The following GABBR2 variants were observed in gnomAD, a reference collection of about 807,000 sequenced individuals.
The protein encoded by GABBR2 is gamma-aminobutyric acid type B receptor subunit 2.
Under a neutral mutation model 105.6 loss-of-function variants are expected in GABBR2, and 23 were observed. The observed-to-expected ratio is 0.22, with a 90% CI of 0.16 to 0.31. GABBR2 has a LOEUF of 0.31. GABBR2 is among the 10% of genes least tolerant of loss of function. The probability of loss-of-function intolerance (pLI) is 1.00; values close to 1 mark genes in which losing one functional copy is unlikely to be tolerated. For missense variants in GABBR2, 734 were observed against 1,245.5 expected (o/e 0.59, Z 6.18); for synonymous variants, 478 against 499.7 (o/e 0.96, Z 0.58).
At chr9:98,631,316 C>A (rs761101509) in intron 1 of GABBR2, among the ~76,000 whole-genome samples, 1 of 152,190 alleles carries the variant, frequency 6.6e-6, no homozygotes, top group African/African-American at 2.4e-5. Flanking sequence ...AGATAACTAA[C>A]CTTCCTAAGC....
At chr9:98,458,146 G>A in intron 6 of GABBR2, among the ~76,000 whole-genome samples, 1 of 152,216 alleles carries the variant, frequency 6.6e-6, no homozygotes, top group Non-Finnish European at 1.5e-5. Flanking sequence ...TAAACCTTAT[G>A]AGTCTGTCAT....
At chr9:98,413,172 A>T (rs947304601) in intron 7 of GABBR2, among the ~76,000 whole-genome samples, 2 of 152,198 alleles carry the variant, frequency 1.3e-5, no homozygotes, top group Non-Finnish European at 2.9e-5. Flanking sequence ...GGGCCAGCAG[A>T]TCAATGTCTG....
At chr9:98,339,280 ATC>A (rs1441680469) in intron 13 of GABBR2, among the ~76,000 whole-genome samples, 1 of 97,808 alleles carries the variant, frequency 1.0e-5, no homozygotes, top group Non-Finnish European at 1.9e-5. Context: ...TGTGAATTAT[ATC>A]TCAAAAAAAA....
At chr9:98,703,708 T>C (rs931885847) in intron 1 of GABBR2, among the ~76,000 whole-genome samples, 1 of 151,984 alleles carries the variant, frequency 6.6e-6, no homozygotes, top group Non-Finnish European at 1.5e-5. Flanking sequence ...CTCAGGCTGG[T>C]CTTGAACTCC....
In GABBR2 at chr9:98,572,386, G is replaced by A. The variant is rs538008163; in HGVS notation, c.459+5549C>T. On this transcript the variant is annotated intron_variant, in intron 2 of 18. Coordinates refer to ENST00000259455, the MANE Select transcript of GABBR2 (RefSeq NM_005458.8). ...CAAGGAAACAGAAACAACTGATTAC[G>A]CATTCCTGGCTGTCTCTGTCCAGCA... 2.0e-5 allele frequency among the ~76,000 whole-genome samples: 3 copies of A among 152,266 alleles called. No homozygotes were observed. The South Asian group carries it at 6.2e-4, about 32-fold the overall frequency.
chr9:98,329,230 A>G lies in GABBR2; in HGVS notation c.1894-18025T>C, dbSNP rs1017317955. Among the ~76,000 whole-genome samples the G allele has an allele frequency of 3.9e-5, 6 of 152,320 alleles. No individual in the cohort carries two copies. The East Asian group carries it at 9.6e-4, about 24-fold the overall frequency. The stretch of plus-strand genomic sequence containing the variant: ...TGTGGACAGTCACCAGGGTGTTTGT[A>G]GGAATGGTTTAAACTGGTAGCTTGT... On this transcript the variant is annotated intron_variant, in intron 13 of 18. Transcript: ENST00000259455.
intron 11 of GABBR2, among the ~76,000 whole-genome samples, chr9:98,374,707 C>T (rs10986060): frequency 1.3e-5 from 2 of 152,126 alleles, no homozygotes; most frequent in Non-Finnish European, 2.9e-5. Context: ...TGCTGGGGGA[C>T]TTAAGCGTGT....
At chr9:98,444,116 G>A (rs1826079347) in intron 7 of GABBR2, among the ~76,000 whole-genome samples, 1 of 152,148 alleles carries the variant, frequency 6.6e-6, no homozygotes, top group South Asian at 2.1e-4. Flanking sequence ...TTTAATCTAT[G>A]ACATGTCATT....
rs115360576 is a variant in GABBR2, at chr9:98,605,311, G to A, written c.322-27239C>T. The stretch of plus-strand genomic sequence containing the variant: ...GCACAGCTCTCAGCATGAACACGGG[G>A]ATTTTCAGAAAGGGTGGAGCAAGGT... On this transcript the variant is annotated intron_variant, in intron 1 of 18. Transcript: ENST00000259455. Among the ~76,000 whole-genome samples, 413 of 152,312 alleles carry A rather than the reference G, an allele frequency of 2.7e-3. 1 individual carries two copies. Among genetic ancestry groups the A allele is most frequent in the African/African-American group, 9.5e-3 (393 of 41,562 alleles).
chr9:98,455,898 C>T (rs1209819750), intron 6 of GABBR2, among the ~76,000 whole-genome samples: 1 of 152,164 alleles, frequency 6.6e-6, no homozygotes, highest in African/African-American at 2.4e-5. Context: ...TCTGCCTCCT[C>T]CTGTTTCAGG....
At chr9:98,491,211 T>C (rs1015911561) in intron 4 of GABBR2, among the ~76,000 whole-genome samples, 1 of 152,254 alleles carries the variant, frequency 6.6e-6, no homozygotes, top group African/African-American at 2.4e-5. Context: ...TCCTTAATCC[T>C]GTTTGACACC....
At chr9:98,553,671 G>T (rs1042112065) in intron 2 of GABBR2, among the ~76,000 whole-genome samples, 1 of 152,198 alleles carries the variant, frequency 6.6e-6, no homozygotes, top group Non-Finnish European at 1.5e-5. Flanking sequence ...TAATGAGCAC[G>T]TACCGTGGAG....
chr9:98,669,860 A>C (rs1052313657), intron 1 of GABBR2, among the ~76,000 whole-genome samples: 1 of 152,042 alleles, frequency 6.6e-6, no homozygotes, highest in Non-Finnish European at 1.5e-5. Flanking sequence ...CATCATGAGG[A>C]ATCTAGTCCA....
intron 17 of GABBR2, among the ~76,000 whole-genome samples, chr9:98,295,465 C>G (rs546072772): frequency 6.6e-6 from 1 of 152,212 alleles, no homozygotes; most frequent in African/African-American, 2.4e-5. Flanking sequence ...AAGCTTCCAT[C>G]AGGCATGAGC....
chr9:98,546,475 G>C (rs142001800), intron 2 of GABBR2, among the ~76,000 whole-genome samples: 3 of 152,052 alleles, frequency 2.0e-5, no homozygotes, highest in Non-Finnish European at 2.9e-5. Context: ...CAAATAACAG[G>C]CACTTAATAG....
At chr9:98,503,181 A>G (rs1317455094) in intron 3 of GABBR2, among the ~76,000 whole-genome samples, 1 of 152,156 alleles carries the variant, frequency 6.6e-6, no homozygotes, top group Non-Finnish European at 1.5e-5. Flanking sequence ...GGCAGGGAAA[A>G]GGATTCCAGG....
At chr9:98,702,657 T>A (rs1198282844) in intron 1 of GABBR2, among the ~76,000 whole-genome samples, 1 of 152,220 alleles carries the variant, frequency 6.6e-6, no homozygotes, top group Non-Finnish European at 1.5e-5. Context: ...TGCTTCATCT[T>A]TGATCTGGAG....
chr9:98,393,164 A>G (rs1251182633), intron 9 of GABBR2, among the ~76,000 whole-genome samples: 2 of 133,560 alleles, frequency 1.5e-5, no homozygotes, highest in Admixed American at 1.6e-4. Context: ...CAACCCATCC[A>G]TCCATCCATC....
intron 1 of GABBR2, among the ~76,000 whole-genome samples, chr9:98,670,351 T>C (rs778314093): frequency 1.3e-5 from 2 of 152,058 alleles, no homozygotes; most frequent in South Asian, 2.1e-4. Flanking sequence ...CAAGTGTTGA[T>C]GAGGACATAG....
Sources: allele counts gnomAD v4.1 joint callset (sites outside exome capture counted in the v4.1 genomes callset), GRCh38; gene constraint gnomAD v4.1.1; transcripts MANE v1.5; gene names NCBI Gene and HGNC (gene_info 2026-07-23, HGNC 2026-07-21).